NTM: variants seen among roughly 807,000 people sequenced by gnomAD.
The protein encoded by NTM is neurotrimin.
NTM carries 13 observed loss-of-function variants against 42.1 expected under a neutral mutation model. The observed-to-expected ratio is 0.31, with a 90% CI of 0.20 to 0.49. The LOEUF is 0.49. NTM is among the 20% of genes least tolerant of loss of function. NTM has a pLI of 0.99. For synonymous variants in NTM, 187 were observed against 179.2 expected (o/e 1.04, Z -0.35); for missense variants, 373 against 452.8 (o/e 0.82, Z 1.60).
chr11:131,390,239 T>G (rs1010055982), intron 1 of NTM, among the ~76,000 whole-genome samples: 4 of 152,054 alleles, frequency 2.6e-5, no homozygotes, highest in African/African-American at 7.3e-5. Flanking sequence ...GCCACGGTCT[T>G]TTAAACAACC....
intron 2 of NTM, among the ~76,000 whole-genome samples, chr11:132,107,101 T>C (rs78929533): frequency 6.6e-6 from 1 of 152,262 alleles, no homozygotes; most frequent in African/African-American, 2.4e-5. Flanking sequence ...GGCACTGTAT[T>C]AGCCCTTGTG....
At chr11:132,030,396 G>A (rs1240662562) in intron 2 of NTM, among the ~76,000 whole-genome samples, 1 of 152,196 alleles carries the variant, frequency 6.6e-6, no homozygotes, top group African/African-American at 2.4e-5. Context: ...AGGATAGGGA[G>A]AATGGAGCCT....
chr11:131,424,726 ATTTTTTTTTTT>A (rs71475756), intron 1 of NTM, among the ~76,000 whole-genome samples: 9 of 122,144 alleles, frequency 7.4e-5, no homozygotes, highest in Admixed American at 2.6e-4. Flanking sequence ...TGCCTGGCTA[ATTTTTTTTTTT>A]TTTTTGTATT....
intron 1 of NTM, among the ~76,000 whole-genome samples, chr11:131,818,738 A>G (rs920787927): frequency 5.3e-5 from 8 of 152,194 alleles, no homozygotes; most frequent in African/African-American, 1.9e-4. Flanking sequence ...GGCGGTTGCT[A>G]TCGTGCTTTT....
chr11:131,499,928 C>A (rs1174650690), intron 1 of NTM, among the ~76,000 whole-genome samples: 2 of 152,158 alleles, frequency 1.3e-5, no homozygotes, highest in African/African-American at 4.8e-5. Context: ...TTTGAGAAGC[C>A]ACATCACTGC....
chr11:131,415,361 C>A (rs1215909667), intron 1 of NTM, among the ~76,000 whole-genome samples: 1 of 152,190 alleles, frequency 6.6e-6, no homozygotes, highest in Non-Finnish European at 1.5e-5. Flanking sequence ...TGAGCCCTGG[C>A]TGTGGTGAGC....
At chr11:132,037,543 G>A (rs1245677273) in intron 2 of NTM, among the ~76,000 whole-genome samples, 2 of 152,152 alleles carry the variant, frequency 1.3e-5, no homozygotes, top group Non-Finnish European at 2.9e-5. Context: ...GTTGACCTGC[G>A]AGAAGAGTCA....
intron 2 of NTM, among the ~76,000 whole-genome samples, chr11:131,973,139 T>C (rs2063798478): frequency 6.6e-6 from 1 of 152,224 alleles, no homozygotes; most frequent in Non-Finnish European, 1.5e-5. Flanking sequence ...CTTTTTCCTC[T>C]GTTCCCATCT....
intron 1 of NTM, among the ~76,000 whole-genome samples, chr11:131,579,828 T>A (rs551576735): frequency 1.3e-5 from 2 of 152,324 alleles, no homozygotes; most frequent in Admixed American, 6.5e-5. Flanking sequence ...TAGATGGAAA[T>A]GTTGAAAACC....
chr11:131,814,115 T>C (rs1592041095), intron 1 of NTM, among the ~76,000 whole-genome samples: 1 of 152,178 alleles, frequency 6.6e-6, no homozygotes, highest in South Asian at 2.1e-4. Context: ...GAGAGCTTAA[T>C]AGAGCGCTCC....
At chr11:132,329,928 C>T (rs941445853) in intron 7 of NTM, among the ~76,000 whole-genome samples, 2 of 152,220 alleles carry the variant, frequency 1.3e-5, no homozygotes, top group African/African-American at 4.8e-5. Context: ...CTCCAGCCAT[C>T]TGCTCACCTC....
At chr11:131,721,340 A>G (rs77387521) in intron 1 of NTM, among the ~76,000 whole-genome samples, 4,189 of 152,230 alleles carry the variant, frequency 0.028, 198 homozygotes, top group African/African-American at 0.096. Flanking sequence ...TGGTTCCTCT[A>G]GCTTCTGGCT....
intron 4 of NTM, among the ~76,000 whole-genome samples, chr11:132,292,786 G>GAAAAAAAAAAA (rs2094490382): frequency 5.6e-5 from 1 of 17,718 alleles, no homozygotes; most frequent in Non-Finnish European, 1.3e-4. Context: ...GGATGTAAAA[G>GAAAAAAAAAAA]TAAAAAAAAA....
chr11:131,512,850 G>A (rs1173679633), intron 1 of NTM, among the ~76,000 whole-genome samples: 1 of 150,422 alleles, frequency 6.6e-6, no homozygotes, highest in East Asian at 2.0e-4. Flanking sequence ...ACAGCCCCAT[G>A]CCCCCCACCC....
At chr11:131,801,737 T>C (rs2092130829) in intron 1 of NTM, among the ~76,000 whole-genome samples, 1 of 152,144 alleles carries the variant, frequency 6.6e-6, no homozygotes, top group Admixed American at 6.5e-5. Flanking sequence ...GATGACCTTT[T>C]CAATTAATGG....
At chr11:131,752,489 C>T (rs1010533616) in intron 1 of NTM, among the ~76,000 whole-genome samples, 2 of 152,200 alleles carry the variant, frequency 1.3e-5, no homozygotes, top group African/African-American at 4.8e-5. Context: ...GGCGATTCCT[C>T]AGGGATCTAG....
intron 1 of NTM, among the ~76,000 whole-genome samples, chr11:131,545,616 C>T (rs1565623505): frequency 6.6e-6 from 1 of 152,126 alleles, no homozygotes; most frequent in African/African-American, 2.4e-5. Flanking sequence ...GCTCTCAAGC[C>T]ATACTGAATC....
At chr11:131,396,833 C>CAA (rs143652343) in intron 1 of NTM, among the ~76,000 whole-genome samples, 38 of 143,804 alleles carry the variant, frequency 2.6e-4, no homozygotes, top group East Asian at 2.1e-3. Context: ...AATTCTGTCT[C>CAA]AAAAAAAAAA....
intron 2 of NTM, among the ~76,000 whole-genome samples, chr11:132,129,922 A>T (rs946797419): frequency 1.3e-4 from 20 of 152,202 alleles, no homozygotes; most frequent in Admixed American, 8.5e-4. Context: ...TTTCTTGTGC[A>T]GTTTTGGTCA....
Sources: allele counts gnomAD v4.1 joint callset (sites outside exome capture counted in the v4.1 genomes callset), GRCh38; gene constraint gnomAD v4.1.1; transcripts MANE v1.5; gene names NCBI Gene and HGNC (gene_info 2026-07-23, HGNC 2026-07-21).